The following IL7 variants were observed in gnomAD, a reference collection of about 807,000 sequenced individuals.
IL7 encodes the protein interleukin-7.
In IL7, 3 loss-of-function variants were observed where a neutral mutation model predicts 21.6. That is an observed-to-expected ratio of 0.14 (90% confidence interval 0.06 to 0.36). The LOEUF (loss-of-function observed/expected upper bound fraction) is 0.36, where lower values mean the gene tolerates loss of function less well. IL7 is among the 10% of genes least tolerant of loss of function. The probability of loss-of-function intolerance (pLI) is 1.00; values close to 1 mark genes in which losing one functional copy is unlikely to be tolerated. For missense variants in IL7, 175 were observed against 200.2 expected, an observed-to-expected ratio of 0.87 and a Z score of 0.76; for synonymous variants, 62 against 68.1, an observed-to-expected ratio of 0.91 and a Z score of 0.44.
At chr8:78,797,489 G>A (rs1384983087) in intron 2 of IL7, among the ~76,000 whole-genome samples, 1 of 151,954 alleles carries the variant, frequency 6.6e-6, no homozygotes, top group Non-Finnish European at 1.5e-5. Flanking sequence ...GAGAGAGAGA[G>A]AGCATATGGG....
chr8:78,687,488 A>G (rs1585995464), intron 3 of IL7, among the ~76,000 whole-genome samples: 1 of 145,010 alleles, frequency 6.9e-6, no homozygotes, highest in Admixed American at 7.1e-5. Flanking sequence ...ATATAATTAT[A>G]TATGTTTATA....
chr8:78,757,719 T>C (rs913782847), intron 2 of IL7, among the ~76,000 whole-genome samples: 1 of 152,126 alleles, frequency 6.6e-6, no homozygotes, highest in Admixed American at 6.5e-5. Flanking sequence ...CTGCAAAGTT[T>C]TGGCTTTCAT....
At chr8:78,748,577 T>C (rs1812059905) in intron 2 of IL7, among the ~76,000 whole-genome samples, 1 of 152,192 alleles carries the variant, frequency 6.6e-6, no homozygotes, top group African/African-American at 2.4e-5. Flanking sequence ...TATGGTAAGC[T>C]GGTTACCATC....
chr8:78,733,652 C>G lies in IL7; in HGVS notation c.*61G>C. On this transcript the variant is annotated 3_prime_UTR_variant, in exon 6 of 6. Coordinates refer to ENST00000263851, the MANE Select transcript of IL7 (RefSeq NM_000880.4). ...ATTCCACTCTGAAAAACTGCATAAG[C>G]AGATAGATTCTTGGAGGATGCAGCT... 1.9e-6 allele frequency: 3 copies of G among 1,552,638 alleles called. No homozygotes were observed. In the South Asian group the frequency reaches 3.6e-5, roughly 19 times the overall value.
chr8:78,756,798 A>G (rs1812363247), intron 2 of IL7, among the ~76,000 whole-genome samples: 1 of 151,010 alleles, frequency 6.6e-6, no homozygotes, highest in Non-Finnish European at 1.5e-5. Context: ...TTATTTTCCA[A>G]GTGGTTTATG....
At position 78,736,484 on chromosome 8, in the gene IL7, G is replaced by C. The variant is rs1811600526; in HGVS notation, c.404C>G (p.Thr135Arg). ...KPAALGEAQP[T>R]KSLEENKSLK... Reference sequence around the variant, plus strand: ...TACAATTATTCTCACCAAACTCTTTGTTGGTTGGGCTTCACCCAGGGCAGC... The same window carrying C: ...TACAATTATTCTCACCAAACTCTTTCTTGGTTGGGCTTCACCCAGGGCAGC... The change falls in exon 5 of 6, where the codon ACA becomes AGA. Residue 135 changes from threonine to arginine, a missense_variant. By Grantham distance (71) the Thr-to-Arg change is moderately conservative (BLOSUM62 -1). Coordinates refer to ENST00000263851, the MANE Select transcript of IL7 (RefSeq NM_000880.4). 6.3e-7 allele frequency: 1 copy of C among 1,597,642 alleles called. No homozygotes were observed. The highest frequency in any genetic ancestry group is 1.3e-5 in the African/African-American group (1 of 74,596).
chr8:78,710,941 T>C (rs964173254), intron 3 of IL7, among the ~76,000 whole-genome samples: 5 of 152,072 alleles, frequency 3.3e-5, no homozygotes, highest in Non-Finnish European at 5.9e-5. Flanking sequence ...CTCTTAGATA[T>C]CTATAATCTA....
chr8:78,773,490 C>A (rs965298222), intron 2 of IL7, among the ~76,000 whole-genome samples: 1 of 152,036 alleles, frequency 6.6e-6, no homozygotes, highest in East Asian at 1.9e-4. Flanking sequence ...AATGAGAAAA[C>A]AGCAAAGGCA....
chr8:78,685,242 CA>C (rs1248181747), intron 4 of IL7, among the ~76,000 whole-genome samples: 1 of 97,378 alleles, frequency 1.0e-5, no homozygotes, highest in African/African-American at 3.1e-5. Context: ...AAGGATAGGA[CA>C]ACTGCATAGC....
At chr8:78,713,616 G>A (rs1811013409), downstream of IL7, among the ~76,000 whole-genome samples, 1 of 152,152 alleles carries the variant, frequency 6.6e-6, no homozygotes, top group South Asian at 2.1e-4. Context: ...TGGACTTGGA[G>A]TGAGCATTTG....
Position 78,786,148 on chromosome 8 carries a change from T to G in IL7, c.147+11924A>C, listed in dbSNP as rs562024798. ...TATGAGAAATGTGTCATTGTAATGG[T>G]GCCATTAGATGATTTCATCATCGCA... On this transcript the variant is annotated intron_variant, in intron 2 of 5. Coordinates refer to ENST00000263851, the MANE Select transcript of IL7 (RefSeq NM_000880.4). Among the ~76,000 whole-genome samples the G allele has an allele frequency of 4.5e-4, 68 of 152,304 alleles. No individual in the cohort carries two copies. The South Asian group carries it at 7.9e-3, about 18-fold the overall frequency.
chr8:78,798,011 C>A, intron 2 of IL7, 61 bp downstream of exon 2: 2 of 1,392,770 alleles, frequency 1.4e-6, no homozygotes, highest in South Asian at 1.5e-5. Context: ...AAACTGCATA[C>A]CAAAAAGGTT....
chr8:78,686,921 C>T (rs1041779047), intron 3 of IL7, among the ~76,000 whole-genome samples: 21 of 151,910 alleles, frequency 1.4e-4, no homozygotes, highest in East Asian at 1.9e-4. Flanking sequence ...ATGCTCACTG[C>T]GGATTGAAAT....
chr8:78,733,874 C>A, intron 5 of IL7, 42 bp from the exon 6 acceptor site: 1 of 1,276,516 alleles, frequency 7.8e-7, no homozygotes, highest in Non-Finnish European at 1.0e-6. Context: ...CACATTTTTA[C>A]AAAAATATAT....
At chr8:78,771,516 A>G (rs911017002) in intron 2 of IL7, among the ~76,000 whole-genome samples, 3 of 152,136 alleles carry the variant, frequency 2.0e-5, no homozygotes, top group Middle Eastern at 3.2e-3. Flanking sequence ...CCTGGTGGCT[A>G]CTGGTAAGCC....
chr8:78,755,725 T>C (rs925801607), intron 2 of IL7, among the ~76,000 whole-genome samples: 2 of 152,070 alleles, frequency 1.3e-5, no homozygotes, highest in African/African-American at 4.8e-5. Flanking sequence ...GTTCTAAGAG[T>C]TTCCTGGTGG....
exon 5 of IL7, chr8:78,676,083 G>T (rs1386521115): frequency 8.6e-6 from 3 of 348,238 alleles, no homozygotes; most frequent in Non-Finnish European, 1.5e-5. Context: ...AAGTTTAAAG[G>T]TATTCCTCAT....
intron 2 of IL7, chr8:78,747,240 C>G (rs940102006): frequency 5.9e-6 from 2 of 341,184 alleles, no homozygotes; most frequent in Non-Finnish European, 1.1e-5. Flanking sequence ...GGCTGGAGTG[C>G]AGTGGCATGG....
intron 1 of IL7, among the ~76,000 whole-genome samples, chr8:78,799,546 A>T (rs1467959760): frequency 6.6e-6 from 1 of 152,182 alleles, no homozygotes; most frequent in East Asian, 1.9e-4. Context: ...GCCTATATGC[A>T]TGATGAGCAT....
Sources: gnomAD v4.1 joint callset for allele counts (sites outside exome capture counted in the v4.1 genomes callset) on GRCh38, gnomAD v4.1.1 for gene constraint, MANE v1.5 for transcripts, NCBI Gene and HGNC (gene_info 2026-07-23, HGNC 2026-07-21) for gene names.